The following LETMD1 variants were observed in gnomAD, a reference collection of about 807,000 sequenced individuals.
LETMD1 encodes the protein LETM1 domain-containing protein 1.
Under a neutral mutation model 43.9 loss-of-function variants are expected in LETMD1, and 30 were observed. The observed-to-expected ratio is 0.68, with a 90% CI of 0.51 to 0.93. The LOEUF is 0.93. LETMD1 is among the 40% of genes least tolerant of loss of function. LETMD1 has a pLI of 0.00. For missense variants in LETMD1, 413 were observed against 447.7 expected, an observed-to-expected ratio of 0.92 and a Z score of 0.70; for synonymous variants, 176 against 163.1, an observed-to-expected ratio of 1.08 and a Z score of -0.60.
chr12:51,061,454 C>T (rs1948827410), downstream of LETMD1: 1 of 152,580 alleles, frequency 6.6e-6, no homozygotes, highest in African/African-American at 2.4e-5. Context: ...TGATCAGAGG[C>T]CTAGCTTTCC....
intron 2 of LETMD1, chr12:51,049,483 A>C (rs968989228): frequency 3.3e-6 from 1 of 299,838 alleles, no homozygotes; most frequent in Non-Finnish European, 6.3e-6. Context: ...TGCCTTGCAC[A>C]CGGCAGGGAT....
chr12:51,052,202 A>C lies in LETMD1; in HGVS notation c.385A>C (p.Arg129=). ...TCCATACCGGGAGATGGAGCATTTG[A>C]GACAGGTATGGGCCAGGGGCAGATA... The part of the protein sequence containing the change: ...QLPYREMEHL[R]QFRQDVTKCL... Residue 129 remains arginine (R), a synonymous_variant, in exon 3 of 9, where the codon AGA becomes CGA. Transcript: ENST00000262055. 6.2e-7 allele frequency: 1 copy of C among 1,614,068 alleles called. No individual in the cohort carries two copies. Among genetic ancestry groups the C allele is most frequent in the Non-Finnish European group, 8.5e-7 (1 of 1,179,910 alleles).
At chr12:51,053,450 T>C (rs2136619550) in intron 3 of LETMD1, among the ~76,000 whole-genome samples, 1 of 152,206 alleles carries the variant, frequency 6.6e-6, no homozygotes, top group South Asian at 2.1e-4. Flanking sequence ...TGATACCAGC[T>C]TGTCCAACAT....
At chr12:51,063,574 A>T, downstream of LETMD1, 1 of 549,412 alleles carries the variant, frequency 1.8e-6, no homozygotes, top group Non-Finnish European at 3.1e-6. Context: ...TCTCCTTGGT[A>T]CTGTTTCCCT....
At chr12:51,068,447 A>G in the LETMD1 span, among the ~76,000 whole-genome samples, 66,847 of 152,040 alleles carry the variant, frequency 0.44, 16,309 homozygotes, top group Non-Finnish European at 0.57. Context: ...CCCAATTTAC[A>G]TAATTTTAAT....
intron 3 of LETMD1, 144 bp downstream of exon 3, chr12:51,052,351 AG>A (rs1273617041): frequency 1.1e-6 from 1 of 873,670 alleles, no homozygotes; most frequent in Non-Finnish European, 1.7e-6. Context: ...GAACTGAATG[AG>A]GCATCAGATT....
intron 8 of LETMD1, chr12:51,058,397 A>G (rs1352978745): frequency 6.5e-6 from 3 of 459,030 alleles, no homozygotes; most frequent in Non-Finnish European, 7.8e-6. Flanking sequence ...TATGGGGGGA[A>G]TATCCTGTGC....
At chr12:51,058,396 A>C in intron 8 of LETMD1, 1 of 461,206 alleles carries the variant, frequency 2.2e-6, no homozygotes, top group Non-Finnish European at 3.9e-6. Flanking sequence ...TTATGGGGGG[A>C]ATATCCTGTG....
At chr12:51,062,475 CAG>C (rs887467650), downstream of LETMD1, 1 of 152,190 alleles carries the variant, frequency 6.6e-6, no homozygotes, top group African/African-American at 2.4e-5. Flanking sequence ...TTCCTCCTGA[CAG>C]AGGTAAGAAC....
intron 1 of LETMD1, 194 bp downstream of exon 1, chr12:51,048,672 A>G (rs1185974664): frequency 1.5e-6 from 1 of 688,522 alleles, no homozygotes; most frequent in East Asian, 2.8e-5. Context: ...TCAGTGCCCC[A>G]TATTGTCTGG....
downstream of LETMD1, chr12:51,064,166 TGAG>T (rs1182256452): frequency 1.1e-5 from 18 of 1,614,064 alleles, no homozygotes; most frequent in Non-Finnish European, 1.4e-5. Context: ...TGTTCACCGT[TGAG>T]GCAGTTGGGT....
chr12:51,052,473 T>G (rs1946433968), intron 3 of LETMD1: 1 of 411,192 alleles, frequency 2.4e-6, no homozygotes, highest in African/African-American at 2.1e-5. Flanking sequence ...TCTAATTAGT[T>G]TCTGAACATA....
chr12:51,064,133 C>A, downstream of LETMD1: 1 of 1,614,156 alleles, frequency 6.2e-7, no homozygotes, highest in South Asian at 1.1e-5. Flanking sequence ...AGACCAGGGG[C>A]CCACTGTTCA....
downstream of LETMD1, chr12:51,060,558 T>A (rs538517715): frequency 6.6e-6 from 1 of 152,356 alleles, no homozygotes; most frequent in South Asian, 2.1e-4. Context: ...GAAGTTGATC[T>A]CCTTGCTGGA....
At chr12:51,049,670 G>A (rs1356751295) in intron 2 of LETMD1, among the ~76,000 whole-genome samples, 1 of 152,166 alleles carries the variant, frequency 6.6e-6, no homozygotes, top group Non-Finnish European at 1.5e-5. Context: ...ACTAGGAGAA[G>A]ATATGTATCG....
chr12:51,064,699 A>T (rs377430706), downstream of LETMD1: 4 of 1,493,216 alleles, frequency 2.7e-6, no homozygotes, highest in African/African-American at 1.4e-5. Context: ...TTGGGGCAAG[A>T]TGAGACCTAC....
In LETMD1 at chr12:51,055,920, C is replaced by T. The variant is rs769170181; in HGVS notation, c.559C>T (p.Arg187Trp). The T allele has an allele frequency of 3.4e-5, 55 of 1,613,672 alleles. No homozygotes were observed. Among genetic ancestry groups the T allele is most frequent in the Admixed American group, 1.5e-4 (9 of 59,990 alleles). ...TTTCTTAGATATCTATCATGCTTTC[C>T]GGAAGCAGTCCCACCCAGAAATTAT... Reference protein sequence around the residue: ...TDFLDIYHAFRKQSHPEIISY... With the variant: ...TDFLDIYHAFWKQSHPEIISY... Residue 187 changes from arginine to tryptophan, a missense_variant, in exon 5 of 9, where the codon CGG (arginine) becomes TGG (tryptophan). Coordinates refer to ENST00000262055, the MANE Select transcript of LETMD1 (RefSeq NM_015416.5).
downstream of LETMD1, chr12:51,061,671 C>CAT (rs1244161953): frequency 5.9e-5 from 9 of 152,318 alleles, no homozygotes; most frequent in African/African-American, 2.2e-4. Context: ...TTTTCAGAAA[C>CAT]ATATCTTGTG....
the LETMD1 span, among the ~76,000 whole-genome samples, chr12:51,068,604 C>T: frequency 4.6e-5 from 7 of 152,142 alleles, no homozygotes; most frequent in African/African-American, 7.2e-5. Context: ...CCCTCCTACA[C>T]GAAAATCTAT....
Sources: gnomAD v4.1 joint callset for allele counts (sites outside exome capture counted in the v4.1 genomes callset) on GRCh38, gnomAD v4.1.1 for gene constraint, MANE v1.5 for transcripts, NCBI Gene and HGNC (gene_info 2026-07-23, HGNC 2026-07-21) for gene names.